CELF2: variants seen among roughly 807,000 people sequenced by gnomAD.
CELF2 encodes CUGBP Elav-like family member 2.
A neutral mutation model predicts 62.6 loss-of-function variants in CELF2; 8 were observed. The ratio of observed to expected loss-of-function variants is 0.13; its 90% confidence interval spans 0.07 to 0.23. The LOEUF (loss-of-function observed/expected upper bound fraction) is 0.23. Ranked by LOEUF, CELF2 falls within the 10% of genes least tolerant of loss-of-function variation. CELF2 has a pLI of 1.00. For synonymous variants in CELF2, 258 were observed against 250.0 expected (o/e 1.03, Z -0.30); for missense variants, 333 against 671.0 (o/e 0.50, Z 5.56).
chr10:10,888,484 T>C (rs951381070), intron 1 of CELF2, among the ~76,000 whole-genome samples: 1 of 152,238 alleles, frequency 6.6e-6, no homozygotes, highest in Non-Finnish European at 1.5e-5. Flanking sequence ...TCAGTGAATT[T>C]GGATCTTTCT....
intron 1 of CELF2, among the ~76,000 whole-genome samples, chr10:11,052,993 A>AT (rs2140127306): frequency 1.3e-5 from 2 of 152,090 alleles, no homozygotes; most frequent in African/African-American, 4.8e-5. Context: ...TTACAGCCTG[A>AT]GTTTTTTTTT....
chr10:10,538,102 G>A, the CELF2 span, among the ~76,000 whole-genome samples: 12 of 152,162 alleles, frequency 7.9e-5, no homozygotes, highest in East Asian at 9.6e-4. Flanking sequence ...GCATAAAGGG[G>A]AAGGCAGTGG....
At chr10:10,767,490 G>C in the CELF2 span, among the ~76,000 whole-genome samples, 2 of 152,130 alleles carry the variant, frequency 1.3e-5, no homozygotes, top group Non-Finnish European at 2.9e-5. Flanking sequence ...AAATATATAT[G>C]TTACTACTGT....
chr10:10,799,967 A>G (rs1197501188), intron 1 of CELF2, among the ~76,000 whole-genome samples: 1 of 152,222 alleles, frequency 6.6e-6, no homozygotes, highest in Non-Finnish European at 1.5e-5. Flanking sequence ...CTAGACCAGA[A>G]CCCAAACAGG....
intron 11 of CELF2, among the ~76,000 whole-genome samples, chr10:11,325,484 C>G (rs10905930): frequency 5.3e-5 from 8 of 151,992 alleles, no homozygotes; most frequent in African/African-American, 1.7e-4. Flanking sequence ...TGAGAAAATA[C>G]GGCCACCCAA....
At chr10:10,654,540 C>T in the CELF2 span, among the ~76,000 whole-genome samples, 2 of 101,308 alleles carry the variant, frequency 2.0e-5, no homozygotes, top group Non-Finnish European at 4.2e-5. Context: ...GGGCTTCATC[C>T]CTGGGATGCA....
the CELF2 span, among the ~76,000 whole-genome samples, chr10:10,568,254 G>C: frequency 6.6e-6 from 1 of 152,118 alleles, no homozygotes; most frequent in Non-Finnish European, 1.5e-5. Flanking sequence ...CTTGATATGG[G>C]TGTAAGATTA....
chr10:10,749,952 C>T, the CELF2 span, among the ~76,000 whole-genome samples: 1 of 152,170 alleles, frequency 6.6e-6, no homozygotes, highest in Non-Finnish European at 1.5e-5. Context: ...AGATAGGACA[C>T]CTACCCTCAA....
the CELF2 span, among the ~76,000 whole-genome samples, chr10:10,652,611 C>G: frequency 6.6e-6 from 1 of 151,068 alleles, no homozygotes; most frequent in Non-Finnish European, 1.5e-5. Flanking sequence ...AATTTCATAT[C>G]CAGCCAAACT....
the CELF2 span, among the ~76,000 whole-genome samples, chr10:10,732,888 T>A: frequency 3.3e-5 from 5 of 152,054 alleles, no homozygotes; most frequent in African/African-American, 1.2e-4. Context: ...AGGAGCCAGG[T>A]TTCAGCAGGC....
At chr10:11,175,345 G>A (rs1027557902) in intron 2 of CELF2, among the ~76,000 whole-genome samples, 2 of 152,114 alleles carry the variant, frequency 1.3e-5, no homozygotes, top group African/African-American at 2.4e-5. Context: ...AAGGGGGAAA[G>A]GCTGTAGCAA....
chr10:10,607,018 A>C, the CELF2 span, among the ~76,000 whole-genome samples: 14 of 152,212 alleles, frequency 9.2e-5, no homozygotes, highest in Admixed American at 6.5e-4. Flanking sequence ...AAAACAAAGA[A>C]AAATATTGCT....
At chr10:10,943,579 A>G (rs960185244) in intron 2 of CELF2, among the ~76,000 whole-genome samples, 1 of 152,154 alleles carries the variant, frequency 6.6e-6, no homozygotes, top group African/African-American at 2.4e-5. Flanking sequence ...ATCAGCTACC[A>G]AACATTGCTC....
chr10:11,049,371 G>T (rs895588263), intron 1 of CELF2, among the ~76,000 whole-genome samples: 3 of 151,448 alleles, frequency 2.0e-5, no homozygotes, highest in Admixed American at 2.0e-4. Flanking sequence ...CGTTTTACTC[G>T]TGTATTCTAA....
chr10:11,303,144 T>C (rs1299272344), intron 9 of CELF2, among the ~76,000 whole-genome samples: 1 of 152,204 alleles, frequency 6.6e-6, no homozygotes, highest in Non-Finnish European at 1.5e-5. Flanking sequence ...TCTGAACAGC[T>C]TCCACCCACT....
chr10:11,327,844 G>GTAAAGGAATTTTCTCTTTAGCTT (rs2095837722), intron 12 of CELF2, among the ~76,000 whole-genome samples: 1 of 152,144 alleles, frequency 6.6e-6, no homozygotes, highest in Non-Finnish European at 1.5e-5. Context: ...CCTCTAGTTT[G>GTAAAGGAATTTTCTCTTTAGCTT]TAAAGGAATT....
At chr10:10,466,183 G>A in the CELF2 span, among the ~76,000 whole-genome samples, 51,561 of 151,770 alleles carry the variant, frequency 0.34, 9,230 homozygotes, top group Admixed American at 0.43. Context: ...GTTTCCATTC[G>A]TACAAAAGTT....
rs372034245 is a variant in CELF2, at chr10:11,139,116, C to T, written c.75-26370C>T. Among the ~76,000 whole-genome samples the T allele has an allele frequency of 1.2e-3, 189 of 152,220 alleles. 8 individuals are homozygous for T. The South Asian group carries it at 0.038, about 30-fold the overall frequency. ...TTAATCATACTGAGAATTTTTCAGC[C>T]GCCCTGTATAAAGAATATCTATGGA... On this transcript the variant is annotated intron_variant, in intron 1 of 12. Transcript: ENST00000633077.
chr10:10,875,215 A>G (rs562365196), intron 1 of CELF2, among the ~76,000 whole-genome samples: 4 of 152,384 alleles, frequency 2.6e-5, no homozygotes, highest in African/African-American at 9.6e-5. Context: ...AATTCCCAGC[A>G]GAAGTATAAT....
Sources: gnomAD v4.1 joint callset for allele counts (sites outside exome capture counted in the v4.1 genomes callset) on GRCh38, gnomAD v4.1.1 for gene constraint, MANE v1.5 for transcripts, NCBI Gene and HGNC (gene_info 2026-07-23, HGNC 2026-07-21) for gene names.